Variants in AKAP6 observed in about 807,000 individuals in gnomAD.
AKAP6 encodes A-kinase anchoring protein 6.
In AKAP6, 58 loss-of-function variants were observed where a neutral mutation model predicts 188.5. The observed-to-expected ratio is 0.31, with a 90% CI of 0.25 to 0.38. The LOEUF (loss-of-function observed/expected upper bound fraction) is 0.38. AKAP6 is among the 10% of genes least tolerant of loss of function. The probability of loss-of-function intolerance (pLI) is 1.00; values close to 1 mark genes in which losing one functional copy is unlikely to be tolerated. For missense variants in AKAP6, 2,710 were observed against 2,740.0 expected (o/e 0.99, Z 0.24); for synonymous variants, 989 against 998.6 (o/e 0.99, Z 0.18).
intron 12 of AKAP6, among the ~76,000 whole-genome samples, chr14:32,791,874 G>A (rs1594949812): frequency 1.3e-5 from 2 of 152,104 alleles, no homozygotes; most frequent in East Asian, 3.9e-4. Context: ...TTATTATATA[G>A]GGAATCCTTT....
Position 32,824,659 on chromosome 14 carries a change from G to A in AKAP6, c.6846G>A (p.Leu2282=). The change falls in exon 13 of 14, where the codon TTG becomes TTA. Residue 2282 remains leucine, a synonymous_variant. Transcript: ENST00000280979. The part of the protein sequence containing the change: ...SAKSKVQDLS[L]KANQPTDKAA... ...AATCTAAAGTTCAAGACCTCTCCTT[G>A]AAGGCAAATCAGCCAACAGACAAGG... 6.2e-7 allele frequency: 1 copy of A among 1,613,888 alleles called. No individual in the cohort carries two copies.
chr14:32,737,065 A>G (rs920988715), intron 11 of AKAP6, among the ~76,000 whole-genome samples: 3 of 152,058 alleles, frequency 2.0e-5, no homozygotes, highest in East Asian at 1.9e-4. Context: ...TTTTATCTCT[A>G]CTTGACCCAT....
intron 1 of AKAP6, among the ~76,000 whole-genome samples, chr14:32,420,827 C>T (rs145339911): frequency 6.6e-6 from 1 of 151,892 alleles, no homozygotes; most frequent in East Asian, 1.9e-4. Flanking sequence ...CATCCTGTGC[C>T]TACTTCTTTC....
In AKAP6 at chr14:32,351,573, A is replaced by AAC. The variant is rs1555320086; in HGVS notation, c.-35+22166_-35+22167insCA. On this transcript the variant is annotated intron_variant, in intron 1 of 13. Transcript: ENST00000280979. ...GCAAGACTTCATCTCAAAAAAAAAA[A>AAC]AAACAAAAACATTATTACCTGCTGT... Among the ~76,000 whole-genome samples the AAC allele has an allele frequency of 1.6e-3, 239 of 150,188 alleles. 3 individuals carry two copies. Among genetic ancestry groups the AAC allele is most frequent in the Non-Finnish European group, 1.3e-3 (90 of 67,884 alleles).
rs144117614 is a variant in AKAP6 at position 32,333,972 on chromosome 14, A to G, written c.-35+4564A>G. On this transcript the variant is annotated intron_variant, in intron 1 of 13. Coordinates refer to ENST00000280979, the MANE Select transcript of AKAP6 (RefSeq NM_004274.5). ...GTACCAACTACACACTTAGTTGTACAAGGACAGGTATACCAGTTACCTTCA... is the reference window on the plus strand; with the variant it reads ...GTACCAACTACACACTTAGTTGTACGAGGACAGGTATACCAGTTACCTTCA... Among the ~76,000 whole-genome samples, 7 of 152,310 alleles carry G rather than the reference A, an allele frequency of 4.6e-5. No homozygotes were observed. In the East Asian group the frequency reaches 1.4e-3, roughly 29 times the overall value.
At chr14:32,485,820 TA>T (rs1186598043) in intron 2 of AKAP6, among the ~76,000 whole-genome samples, 1 of 152,214 alleles carries the variant, frequency 6.6e-6, no homozygotes, top group Non-Finnish European at 1.5e-5. Context: ...TTAGTTTGAT[TA>T]GATCCCATTT....
intron 1 of AKAP6, among the ~76,000 whole-genome samples, chr14:32,412,068 A>G (rs1309998245): frequency 6.6e-6 from 1 of 152,148 alleles, no homozygotes; most frequent in Non-Finnish European, 1.5e-5. Flanking sequence ...TTCCTTTATT[A>G]CATAAAACAA....
intron 2 of AKAP6, among the ~76,000 whole-genome samples, chr14:32,514,630 G>A (rs757754774): frequency 2.6e-4 from 39 of 152,158 alleles, no homozygotes; most frequent in Non-Finnish European, 4.9e-4. Context: ...TTTCAATGGA[G>A]TTACTAGAAA....
chr14:32,808,510 C>T (rs927914539), intron 12 of AKAP6, among the ~76,000 whole-genome samples: 2 of 152,296 alleles, frequency 1.3e-5, no homozygotes, highest in African/African-American at 4.8e-5. Context: ...TAACTCACCT[C>T]GTCTAAATTG....
rs143561537 is a variant in AKAP6, at chr14:32,630,482, C to T, written c.2730+29690C>T. ...TGGGTATCAGCATTGATTTTATTTT[C>T]CAAGACATTTTGCAATAATTTTTAC... On this transcript the variant is annotated intron_variant, in intron 7 of 13. Coordinates refer to ENST00000280979, the MANE Select transcript of AKAP6 (RefSeq NM_004274.5). Among the ~76,000 whole-genome samples the T allele has an allele frequency of 6.1e-3, 925 of 152,018 alleles. 27 individuals carry two copies. The highest frequency in any genetic ancestry group is 0.051 in the Admixed American group (777 of 15,258).
At chr14:32,420,219 C>A (rs1364967328) in intron 1 of AKAP6, among the ~76,000 whole-genome samples, 1 of 152,152 alleles carries the variant, frequency 6.6e-6, no homozygotes, top group African/African-American at 2.4e-5. Flanking sequence ...TGGTAACTAC[C>A]TCTATCTTGA....
At chr14:32,407,752 T>C (rs3784182) in intron 1 of AKAP6, among the ~76,000 whole-genome samples, 6,723 of 152,256 alleles carry the variant, frequency 0.044, 207 homozygotes, top group East Asian at 0.1. Flanking sequence ...GGAGTAGTAC[T>C]CATCTCTTGT....
chr14:32,382,266 G>C (rs1888389163), intron 1 of AKAP6, among the ~76,000 whole-genome samples: 1 of 141,286 alleles, frequency 7.1e-6, no homozygotes. Flanking sequence ...CTACCCCTCT[G>C]TCTGAGAGTA....
chr14:32,762,573 T>G (rs1384645518), intron 11 of AKAP6, among the ~76,000 whole-genome samples: 1 of 152,044 alleles, frequency 6.6e-6, no homozygotes, highest in Middle Eastern at 3.2e-3. Flanking sequence ...AGGGTCTACA[T>G]TTTTAGAATG....
At position 32,714,067 on chromosome 14, in the gene AKAP6, ATTG is replaced by A. The variant is rs2030045724; in HGVS notation, c.3000+17962_3000+17964del. Among the ~76,000 whole-genome samples the A allele has an allele frequency of 2.0e-5, 3 of 152,058 alleles. No homozygotes were observed. In the South Asian group the frequency reaches 6.2e-4, roughly 32 times the overall value. Reference sequence around the variant, plus strand: ...GATTATTACTTGGCCGCATTTCAATATTGTTGTGTCTCAAGGAATAGGAAGGTC... The same window carrying A: ...GATTATTACTTGGCCGCATTTCAATATTGTGTCTCAAGGAATAGGAAGGTC... On this transcript the variant is annotated intron_variant, in intron 9 of 13. Transcript: ENST00000280979.
At chr14:32,448,649 A>C (rs868206716) in intron 2 of AKAP6, among the ~76,000 whole-genome samples, 1 of 152,172 alleles carries the variant, frequency 6.6e-6, no homozygotes, top group Non-Finnish European at 1.5e-5. Context: ...ATATGATGAA[A>C]ACTATAAACT....
chr14:32,667,715 G>A (rs1277737852), intron 7 of AKAP6, among the ~76,000 whole-genome samples: 1 of 152,042 alleles, frequency 6.6e-6, no homozygotes, highest in Non-Finnish European at 1.5e-5. Flanking sequence ...AGAACCCTAG[G>A]AGGCTAAATT....
intron 1 of AKAP6, among the ~76,000 whole-genome samples, chr14:32,344,251 G>C (rs1886992253): frequency 6.6e-6 from 1 of 152,210 alleles, no homozygotes; most frequent in African/African-American, 2.4e-5. Context: ...TCTGGGAGCT[G>C]TCCAGACAAG....
intron 2 of AKAP6, among the ~76,000 whole-genome samples, chr14:32,466,647 A>G (rs1245756815): frequency 1.3e-5 from 2 of 150,410 alleles, no homozygotes; most frequent in East Asian, 2.0e-4. Context: ...AACCTAGATG[A>G]CGGGTTGATA....
Sources: allele counts gnomAD v4.1 joint callset (sites outside exome capture counted in the v4.1 genomes callset), GRCh38; gene constraint gnomAD v4.1.1; transcripts MANE v1.5; gene names NCBI Gene and HGNC (gene_info 2026-07-23, HGNC 2026-07-21).